The following PFDN1 variants were observed in gnomAD, a reference collection of about 807,000 sequenced individuals.
The protein encoded by PFDN1 is prefoldin 1.
In PFDN1, 6 loss-of-function variants were observed where a neutral mutation model predicts 17.3. The observed-to-expected ratio is 0.35, with a 90% CI of 0.19 to 0.69. The LOEUF (loss-of-function observed/expected upper bound fraction) is 0.69. PFDN1 is among the 30% of genes least tolerant of loss of function. PFDN1 has a pLI of 0.65. For synonymous variants in PFDN1, 58 were observed against 50.1 expected, an observed-to-expected ratio of 1.16 and a Z score of -0.67; for missense variants, 113 against 146.2, an observed-to-expected ratio of 0.77 and a Z score of 1.17.
chr5:140,266,290 C>A (rs1765132824), intron 3 of PFDN1, among the ~76,000 whole-genome samples: 1 of 152,220 alleles, frequency 6.6e-6, no homozygotes, highest in Non-Finnish European at 1.5e-5. Context: ...CCTGGTCCAA[C>A]CTACCATCAT....
chr5:140,283,836 G>C (rs372333057), intron 2 of PFDN1, among the ~76,000 whole-genome samples: 1 of 152,166 alleles, frequency 6.6e-6, no homozygotes, highest in Non-Finnish European at 1.5e-5. Context: ...CTAAAACAAG[G>C]TGCAAGAGTC....
At position 140,264,020 on chromosome 5, in the gene PFDN1, C is replaced by CAAAAAAAAAAAAAAAAAAAA. The variant is rs58605224; in HGVS notation, c.285+17409_285+17428dup. On this transcript the variant is annotated intron_variant, in intron 3 of 3. Coordinates refer to ENST00000261813, the MANE Select transcript of PFDN1 (RefSeq NM_002622.5). ...TGGGGGTCAGAGTGAGACTCCATCT[C>CAAAAAAAAAAAAAAAAAAAA]AAAAAAAAAAAAAAAAAAAAAAAAA... Among the ~76,000 whole-genome samples, 9 of 55,578 alleles carry CAAAAAAAAAAAAAAAAAAAA rather than the reference C, an allele frequency of 1.6e-4. 1 individual carries two copies. Among genetic ancestry groups the CAAAAAAAAAAAAAAAAAAAA allele is most frequent in the Admixed American group, 4.0e-4 (2 of 4,948 alleles). The allele number at this position is 55,578 out of a possible 152,430, so 36.5% of individuals were successfully genotyped here.
chr5:140,277,267 TA>T (rs1193147660), intron 3 of PFDN1, among the ~76,000 whole-genome samples: 1 of 151,440 alleles, frequency 6.6e-6, no homozygotes, highest in Admixed American at 6.6e-5. Context: ...TAAGAACAAC[TA>T]TTGGTTTTAC....
chr5:140,273,782 G>C (rs1035167333), intron 3 of PFDN1: 1 of 319,174 alleles, frequency 3.1e-6, no homozygotes, highest in Non-Finnish European at 4.5e-6. Context: ...TTCTTATTCT[G>C]TTATTGCTGA....
chr5:140,269,803 C>G (rs1765181260), intron 3 of PFDN1, among the ~76,000 whole-genome samples: 1 of 152,132 alleles, frequency 6.6e-6, no homozygotes, highest in South Asian at 2.1e-4. Flanking sequence ...ATCTTCTAAT[C>G]CAATATTCTC....
intron 3 of PFDN1, among the ~76,000 whole-genome samples, chr5:140,248,579 G>A (rs918214094): frequency 2.6e-5 from 4 of 152,154 alleles, no homozygotes; most frequent in African/African-American, 9.7e-5. Context: ...ACAAAAGTCC[G>A]CCAGGGCCCA....
chr5:140,251,280 T>C (rs932764527), intron 3 of PFDN1, among the ~76,000 whole-genome samples: 1 of 152,184 alleles, frequency 6.6e-6, no homozygotes, highest in Non-Finnish European at 1.5e-5. Context: ...CATAAATCTA[T>C]ACAATTATGA....
intron 3 of PFDN1, among the ~76,000 whole-genome samples, chr5:140,269,881 T>A (rs1031555539): frequency 1.3e-5 from 2 of 152,204 alleles, no homozygotes; most frequent in African/African-American, 4.8e-5. Flanking sequence ...TAAATTAACA[T>A]AAGGCTTTTA....
At chr5:140,294,109 A>C (rs1765618794) in intron 2 of PFDN1, among the ~76,000 whole-genome samples, 3 of 152,060 alleles carry the variant, frequency 2.0e-5, no homozygotes. Flanking sequence ...ATACAGATTA[A>C]TACCTTTAAA....
intron 3 of PFDN1, among the ~76,000 whole-genome samples, chr5:140,250,521 C>A (rs554083056): frequency 6.6e-6 from 1 of 152,338 alleles, no homozygotes; most frequent in South Asian, 2.1e-4. Context: ...CTCTTTCCAC[C>A]ACAGGAAGGA....
At chr5:140,248,510 CTGTGGACCCCA>C (rs1224881701) in intron 3 of PFDN1, among the ~76,000 whole-genome samples, 1 of 152,210 alleles carries the variant, frequency 6.6e-6, no homozygotes, top group Non-Finnish European at 1.5e-5. Flanking sequence ...CCTGGGCACC[CTGTGGACCCCA>C]TGTGAATGCA....
chr5:140,250,384 GAT>G (rs1764896087), intron 3 of PFDN1, among the ~76,000 whole-genome samples: 1 of 152,178 alleles, frequency 6.6e-6, no homozygotes, highest in Admixed American at 6.5e-5. Flanking sequence ...CTCTTCCCCA[GAT>G]ATTCACATTA....
At chr5:140,287,191 T>A (rs1284498252) in intron 2 of PFDN1, among the ~76,000 whole-genome samples, 1 of 152,272 alleles carries the variant, frequency 6.6e-6, no homozygotes, top group African/African-American at 2.4e-5. Context: ...GATAAATAAA[T>A]AAGTAAATGG....
chr5:140,283,239 A>AT (rs949802335), intron 2 of PFDN1, among the ~76,000 whole-genome samples: 49 of 148,882 alleles, frequency 3.3e-4, no homozygotes, highest in East Asian at 5.9e-4. Flanking sequence ...AGCCCAGATA[A>AT]TTTTTTTTTT....
At chr5:140,297,157 C>G (rs1765667512) in intron 2 of PFDN1, among the ~76,000 whole-genome samples, 1 of 151,940 alleles carries the variant, frequency 6.6e-6, no homozygotes, top group African/African-American at 2.4e-5. Context: ...ACTGCATGTT[C>G]TAAAAGAAAA....
intron 3 of PFDN1, among the ~76,000 whole-genome samples, chr5:140,280,075 C>T (rs909052321): frequency 6.6e-6 from 1 of 150,876 alleles, no homozygotes; most frequent in African/African-American, 2.4e-5. Flanking sequence ...TCCCTACGTC[C>T]CATCTAATTT....
chr5:140,289,305 C>T (rs1765545877), intron 2 of PFDN1, among the ~76,000 whole-genome samples: 1 of 151,782 alleles, frequency 6.6e-6, no homozygotes, highest in Admixed American at 6.6e-5. Context: ...CAAAGAGCTC[C>T]CAATGGTCAA....
chr5:140,296,626 T>C (rs1765658219), intron 2 of PFDN1, among the ~76,000 whole-genome samples: 1 of 152,162 alleles, frequency 6.6e-6, no homozygotes, highest in South Asian at 2.1e-4. Flanking sequence ...CGCCAAAGAC[T>C]GAGCAAAAGC....
At chr5:140,276,127 T>G (rs1581090715) in intron 3 of PFDN1, among the ~76,000 whole-genome samples, 2 of 152,096 alleles carry the variant, frequency 1.3e-5, no homozygotes, top group East Asian at 1.9e-4. Context: ...AAGAAGAGAC[T>G]GCAGATTTGA....
Sources: allele counts gnomAD v4.1 joint callset (sites outside exome capture counted in the v4.1 genomes callset), GRCh38; gene constraint gnomAD v4.1.1; transcripts MANE v1.5; gene names NCBI Gene and HGNC (gene_info 2026-07-23, HGNC 2026-07-21).